TDRD5: variants seen among roughly 807,000 people sequenced by gnomAD.
The protein encoded by TDRD5 is tudor domain-containing protein 5.
Under a neutral mutation model 120.6 loss-of-function variants are expected in TDRD5, and 41 were observed. The observed-to-expected ratio is 0.34, with a 90% CI of 0.26 to 0.44. The LOEUF (loss-of-function observed/expected upper bound fraction) is 0.44, where lower values mean the gene tolerates loss of function less well. Among genes scored for constraint, TDRD5 ranks in the 20% least tolerant of loss-of-function variants. TDRD5 has a pLI of 1.00. For synonymous variants in TDRD5, 430 were observed against 433.7 expected (o/e 0.99, Z 0.11); for missense variants, 1,006 against 1,221.2 (o/e 0.82, Z 2.63).
At chr1:179,663,310 C>T (rs1679402990) in intron 15 of TDRD5, 38 bp from the exon 16 acceptor site, 1 of 1,580,508 alleles carries the variant, frequency 6.3e-7, no homozygotes, top group African/African-American at 1.4e-5. Flanking sequence ...TCATGTTGCA[C>T]TTTATCTCAG....
chr1:179,638,765 C>T (rs1270519289), intron 9 of TDRD5, among the ~76,000 whole-genome samples: 1 of 127,616 alleles, frequency 7.8e-6, no homozygotes, highest in Non-Finnish European at 1.7e-5. Flanking sequence ...TATTGAAAGA[C>T]ACAACCCAGA....
At position 179,644,965 on chromosome 1, in the gene TDRD5, C is replaced by A. The variant is rs72706754; in HGVS notation, c.1800+4520C>A. 2.9e-3 allele frequency among the ~76,000 whole-genome samples: 429 copies of A among 150,108 alleles called. 1 individual carries two copies. The highest frequency in any genetic ancestry group is 0.01 in the Middle Eastern group (3 of 288). ...CTTTAGGTGGATCTCATAAGTTTAA[C>A]TGTGTAGTAGTTTTATTATTGTTCA... On this transcript the variant is annotated intron_variant, in intron 11 of 17. Coordinates refer to ENST00000444136, the MANE Select transcript of TDRD5 (RefSeq NM_001199085.3).
intron 11 of TDRD5, among the ~76,000 whole-genome samples, chr1:179,647,152 G>A (rs1678422507): frequency 6.8e-6 from 1 of 147,544 alleles, no homozygotes; most frequent in Non-Finnish European, 1.5e-5. Context: ...AGTCAATCCT[G>A]AGCCAAAAGA....
At chr1:179,654,155 C>T (rs1470513313) in intron 13 of TDRD5, 46 bp from the exon 14 acceptor site, 3 of 1,432,574 alleles carry the variant, frequency 2.1e-6, no homozygotes, top group Non-Finnish European at 2.8e-6. Flanking sequence ...ATTTTGGAAA[C>T]AGCATTAATA....
intron 17 of TDRD5, among the ~76,000 whole-genome samples, chr1:179,677,952 T>C (rs982824534): frequency 6.6e-6 from 1 of 152,122 alleles, no homozygotes; most frequent in Non-Finnish European, 1.5e-5. Context: ...AGCAGGGCCA[T>C]AGAGCTCCCA....
intron 5 of TDRD5, among the ~76,000 whole-genome samples, chr1:179,620,658 G>T (rs1676791422): frequency 6.6e-6 from 1 of 152,044 alleles, no homozygotes. Context: ...ATTTTCCAAA[G>T]TTTTTTCTAA....
At chr1:179,631,501 C>T (rs563260855) in intron 7 of TDRD5, among the ~76,000 whole-genome samples, 2 of 152,120 alleles carry the variant, frequency 1.3e-5, no homozygotes, top group African/African-American at 2.4e-5. Flanking sequence ...TAACTCAGGC[C>T]GTGCATCAAA....
chr1:179,602,776 A>G (rs1216621287), intron 4 of TDRD5, among the ~76,000 whole-genome samples: 2 of 152,126 alleles, frequency 1.3e-5, no homozygotes, highest in African/African-American at 4.8e-5. Flanking sequence ...TTTGTTGACT[A>G]TAGCCTTATA....
intron 1 of TDRD5, 185 bp downstream of exon 1, chr1:179,592,310 G>A: frequency 3.0e-6 from 1 of 334,904 alleles, no homozygotes; most frequent in Non-Finnish European, 5.6e-6. Context: ...GCCCCTGAAG[G>A]CTTCGGATGG....
chr1:179,683,989 C>G (rs1398810864), intron 17 of TDRD5, among the ~76,000 whole-genome samples: 2 of 152,118 alleles, frequency 1.3e-5, no homozygotes, highest in African/African-American at 4.8e-5. Context: ...ATCGCATTTC[C>G]AGTCATTTTA....
At chr1:179,640,164 T>C (rs1558398860) in intron 10 of TDRD5, 113 bp downstream of exon 10, 2 of 1,211,116 alleles carry the variant, frequency 1.7e-6, no homozygotes, top group East Asian at 2.4e-5. Context: ...CAATCCTTCC[T>C]TCCTTCTTCT....
chr1:179,684,639 G>C (rs1680603749), intron 17 of TDRD5, among the ~76,000 whole-genome samples: 1 of 152,202 alleles, frequency 6.6e-6, no homozygotes, highest in Non-Finnish European at 1.5e-5. Context: ...TTCCACAATG[G>C]TTGAACTAGT....
At chr1:179,679,579 A>C (rs1224054133) in intron 17 of TDRD5, among the ~76,000 whole-genome samples, 1 of 152,144 alleles carries the variant, frequency 6.6e-6, no homozygotes, top group Non-Finnish European at 1.5e-5. Context: ...TTTCTTCTCA[A>C]GTAAACTTTG....
At chr1:179,637,218 A>G (rs1002296895) in intron 9 of TDRD5, among the ~76,000 whole-genome samples, 9 of 152,246 alleles carry the variant, frequency 5.9e-5, no homozygotes, top group Admixed American at 1.3e-4. Context: ...GACACCTGGC[A>G]TAATGTAAGT....
chr1:179,621,735 A>T (rs529447592), intron 6 of TDRD5, among the ~76,000 whole-genome samples: 1 of 152,338 alleles, frequency 6.6e-6, no homozygotes, highest in African/African-American at 2.4e-5. Flanking sequence ...AGATAATGCC[A>T]TATATCCAGT....
chr1:179,658,311 A>G (rs1679113415), intron 14 of TDRD5, among the ~76,000 whole-genome samples: 1 of 152,230 alleles, frequency 6.6e-6, no homozygotes, highest in South Asian at 2.1e-4. Flanking sequence ...GGAAAAGGTT[A>G]CATAAAATCA....
chr1:179,679,057 T>C (rs1478369991), intron 17 of TDRD5, among the ~76,000 whole-genome samples: 1 of 152,228 alleles, frequency 6.6e-6, no homozygotes, highest in Non-Finnish European at 1.5e-5. Flanking sequence ...AGATTTCTGA[T>C]AGTTTTTATT....
At chr1:179,614,450 G>C (rs562205069) in intron 4 of TDRD5, among the ~76,000 whole-genome samples, 10 of 152,054 alleles carry the variant, frequency 6.6e-5, no homozygotes, top group Non-Finnish European at 1.2e-4. Flanking sequence ...ACCTTATGAT[G>C]AAAATCTTGC....
chr1:179,593,963 A>G (rs1675253990), intron 3 of TDRD5, 96 bp downstream of exon 3: 3 of 1,457,128 alleles, frequency 2.1e-6, no homozygotes, highest in South Asian at 1.4e-5. Context: ...GCCTGGCTCT[A>G]CTACTTGCCA....
Sources: gnomAD v4.1 joint callset for allele counts (sites outside exome capture counted in the v4.1 genomes callset) on GRCh38, gnomAD v4.1.1 for gene constraint, MANE v1.5 for transcripts, NCBI Gene and HGNC (gene_info 2026-07-23, HGNC 2026-07-21) for gene names.